FRMD5: variants seen among roughly 807,000 people sequenced by gnomAD.
The protein encoded by FRMD5 is FERM domain containing 5.
In FRMD5, 20 loss-of-function variants were observed where a neutral mutation model predicts 69.0. The observed-to-expected ratio is 0.29, with a 90% CI of 0.20 to 0.42. The LOEUF is 0.42. FRMD5 is among the 10% of genes least tolerant of loss of function. The pLI is 1.00. For synonymous variants in FRMD5, 271 were observed against 260.1 expected (o/e 1.04, Z -0.40); for missense variants, 595 against 708.6 (o/e 0.84, Z 1.82).
chr15:43,985,230 G>A lies in FRMD5; in HGVS notation c.103-60921C>T, dbSNP rs187879739. 2.0e-3 allele frequency among the ~76,000 whole-genome samples: 275 copies of A among 136,818 alleles called. 3 individuals carry two copies. Among genetic ancestry groups the A allele is most frequent in the African/African-American group, 7.2e-3 (271 of 37,840 alleles). The allele number at this position is 136,818 out of a possible 152,430, so 89.8% of individuals were successfully genotyped here. A position where few individuals can be genotyped will look rare whatever the true frequency, so the allele number is the denominator to read the frequency against. ...TGGGAGGCGGAGCTTGCAGTGAGCC[G>A]AGATCGGACCACTGCATTTCAGCCT... On this transcript the variant is annotated intron_variant, in intron 1 of 13. Transcript: ENST00000417257.
Position 43,874,166 on chromosome 15 carries a change from C to G in FRMD5, c.1432G>C (p.Glu478Gln), listed in dbSNP as rs1408628896. The change falls in exon 14 of 14, where the codon GAG becomes CAG. Residue 478 changes from glutamate to glutamine, a missense_variant. Physicochemically the swap from Glu to Gln is conservative, Grantham distance 29. This residue lies in a region of FRMD5 where 245 missense variants were observed against 227.1 expected (regional missense o/e 1.08). Transcript: ENST00000417257. Reference protein sequence around the residue: ...TATEVEALGGELRALCQGHSG... With the variant: ...TATEVEALGGQLRALCQGHSG... ...TGCCCCTGACACAGGGCCCTCAGCT[C>G]TCCCCCAAGGGCCTCCACCTCTGTA... 1 of 1,614,126 alleles carries G rather than the reference C, an allele frequency of 6.2e-7. No individual in the cohort carries two copies. Among genetic ancestry groups the G allele is most frequent in the Non-Finnish European group, 8.5e-7 (1 of 1,180,052 alleles).
At chr15:44,196,477 AT>A (rs1196516814), upstream of FRMD5, among the ~76,000 whole-genome samples, 55 of 152,142 alleles carry the variant, frequency 3.6e-4, no homozygotes, top group African/African-American at 8.4e-4. Flanking sequence ...AAAAAAAAAA[AT>A]AATCGTGTCA....
Position 43,871,676 on chromosome 15 carries a change from C to T in FRMD5, c.*2209G>A, listed in dbSNP as rs2088164695. 1 of 152,192 alleles carries T rather than the reference C, an allele frequency of 6.6e-6. No homozygotes were observed. The highest frequency in any genetic ancestry group is 2.1e-4 in the South Asian group (1 of 4,830). 9.4% of individuals were successfully genotyped at this position (152,192 alleles called of 1,614,324 possible). ...TAGGATCTCCTTCGGTTTGTATTGTCACTCGATAAATAGATGTTTATAATT... is the reference window on the plus strand; with the variant it reads ...TAGGATCTCCTTCGGTTTGTATTGTTACTCGATAAATAGATGTTTATAATT... On this transcript the variant is annotated 3_prime_UTR_variant, in exon 14 of 14. Coordinates refer to ENST00000417257, the MANE Select transcript of FRMD5 (RefSeq NM_032892.5).
chr15:43,978,961 CT>C (rs2090506717), intron 1 of FRMD5, among the ~76,000 whole-genome samples: 1 of 152,206 alleles, frequency 6.6e-6, no homozygotes, highest in East Asian at 1.9e-4. Context: ...TGGCAAAATA[CT>C]GTCTCCTAAA....
At chr15:43,989,716 A>G (rs1889577341) in intron 1 of FRMD5, 1 of 992,256 alleles carries the variant, frequency 1.0e-6, no homozygotes, top group Non-Finnish European at 1.6e-6. Flanking sequence ...TGACCCCGTC[A>G]TCGTAGTCCA....
intron 13 of FRMD5, among the ~76,000 whole-genome samples, chr15:43,877,587 G>T (rs2088398812): frequency 6.6e-6 from 1 of 152,192 alleles, no homozygotes; most frequent in Non-Finnish European, 1.5e-5. Flanking sequence ...GAGGGTGGGG[G>T]CAAAGGCAGG....
At position 43,888,286 on chromosome 15, in the gene FRMD5, G is replaced by GATAT; in HGVS notation, c.793-24_793-21dup. The GATAT allele has an allele frequency of 6.5e-7, 1 of 1,539,750 alleles. No homozygotes were observed. The highest frequency in any genetic ancestry group is 9.0e-7 in the Non-Finnish European group (1 of 1,112,422). ...CTTTTCCTGCAAAAAATTCCACATTGATATGGCTGAGTGTGGATGGAGAAG... is the reference window on the plus strand; with the variant it reads ...CTTTTCCTGCAAAAAATTCCACATTGATATATATGGCTGAGTGTGGATGGAGAAG... On this transcript the variant is annotated intron_variant, in intron 9 of 13. Coordinates refer to ENST00000417257, the MANE Select transcript of FRMD5 (RefSeq NM_032892.5).
chr15:43,929,984 C>T (rs945631175), intron 1 of FRMD5, among the ~76,000 whole-genome samples: 10 of 152,132 alleles, frequency 6.6e-5, no homozygotes, highest in Admixed American at 2.6e-4. Flanking sequence ...CATTAGTGAG[C>T]TGAGCAGAAA....
At chr15:43,989,158 G>A (rs1373577207) in intron 1 of FRMD5, 10 of 916,502 alleles carry the variant, frequency 1.1e-5, no homozygotes, top group Non-Finnish European at 1.5e-5. Flanking sequence ...GGCCAGGATG[G>A]AGCTGCCGAT....
At chr15:43,883,176 T>G (rs2088578107) in intron 13 of FRMD5, among the ~76,000 whole-genome samples, 1 of 151,832 alleles carries the variant, frequency 6.6e-6, no homozygotes, top group Non-Finnish European at 1.5e-5. Flanking sequence ...CTCAGCTCAC[T>G]GCAACCTCTG....
At chr15:43,970,418 T>C (rs2090357200) in intron 1 of FRMD5, among the ~76,000 whole-genome samples, 1 of 152,248 alleles carries the variant, frequency 6.6e-6, no homozygotes, top group East Asian at 1.9e-4. Context: ...ACATATATGG[T>C]ATCTAGGGTA....
At chr15:43,947,169 A>C (rs935420465) in intron 1 of FRMD5, among the ~76,000 whole-genome samples, 1 of 152,202 alleles carries the variant, frequency 6.6e-6, no homozygotes, top group Non-Finnish European at 1.5e-5. Context: ...TAAAATCTAA[A>C]TTTCCTGGCA....
chr15:44,117,080 G>A (rs2076879919), intron 1 of FRMD5, among the ~76,000 whole-genome samples: 1 of 151,262 alleles, frequency 6.6e-6, no homozygotes, highest in Admixed American at 6.6e-5. Context: ...ACTCCAGCCT[G>A]AGCGACAGAA....
intron 1 of FRMD5, among the ~76,000 whole-genome samples, chr15:44,007,235 A>G (rs1890492812): frequency 6.6e-6 from 1 of 152,208 alleles, no homozygotes; most frequent in African/African-American, 2.4e-5. Context: ...TCCAGCCATA[A>G]TGCTATTACA....
At position 43,892,008 on chromosome 15, in the gene FRMD5, C is replaced by T. The variant is rs771568540; in HGVS notation, c.701G>A (p.Gly234Glu). Residue 234 changes from glycine (G) to glutamate (E), a missense_variant, in exon 8 of 14, where the codon GGA becomes GAA. Gly to Glu is a moderately conservative substitution (Grantham distance 98). Transcript: ENST00000417257. ...FTPFGFVVLQGNKRVHFIKWN... is the reference protein window; with the variant it reads ...FTPFGFVVLQENKRVHFIKWN... ...TTTAATGAAGTGGACCCTCTTGTTT[C>T]CTTGAAGAACAACAAACCCAAAAGG... 23 of 1,613,976 alleles carry T rather than the reference C, an allele frequency of 1.4e-5. No homozygotes were observed. The highest frequency in any genetic ancestry group is 1.8e-5 in the Non-Finnish European group (21 of 1,179,964).
At chr15:44,114,221 G>A (rs560162967) in intron 1 of FRMD5, among the ~76,000 whole-genome samples, 44 of 152,172 alleles carry the variant, frequency 2.9e-4, no homozygotes, top group African/African-American at 9.1e-4. Context: ...AAAGAATTTC[G>A]CAGTATTCAC....
chr15:43,911,849 C>G (rs12442168), intron 4 of FRMD5, among the ~76,000 whole-genome samples: 20,500 of 152,064 alleles, frequency 0.13, 2,400 homozygotes, highest in African/African-American at 0.32. Flanking sequence ...AAATGCTCAA[C>G]AGGAAGAGGG....
chr15:43,994,133 G>C (rs1030706107), intron 1 of FRMD5, among the ~76,000 whole-genome samples: 2 of 152,096 alleles, frequency 1.3e-5, no homozygotes, highest in African/African-American at 4.8e-5. Flanking sequence ...GTTGTTTTCT[G>C]ATTGTTTTGT....
intron 1 of FRMD5, among the ~76,000 whole-genome samples, chr15:44,177,836 G>A (rs2077925925): frequency 6.6e-6 from 1 of 152,190 alleles, no homozygotes; most frequent in African/African-American, 2.4e-5. Context: ...CAGAAATCAG[G>A]TTTGTGGCTG....
Sources: allele counts gnomAD v4.1 joint callset (sites outside exome capture counted in the v4.1 genomes callset), GRCh38; gene constraint gnomAD v4.1.1; regional missense constraint gnomAD v4.1.1; transcripts MANE v1.5; gene names NCBI Gene and HGNC (gene_info 2026-07-23, HGNC 2026-07-21).